The following RELN variants were observed in gnomAD, a reference collection of about 807,000 sequenced individuals.
RELN encodes reelin.
A neutral mutation model predicts 427.6 loss-of-function variants in RELN; 108 were observed. The observed-to-expected ratio is 0.25, with a 90% CI of 0.22 to 0.30. RELN has a LOEUF of 0.30. Among genes scored for constraint, RELN ranks in the 10% least tolerant of loss-of-function variants. RELN has a pLI of 1.00. For missense variants in RELN, 3,715 were observed against 4,302.8 expected (o/e 0.86, Z 3.82); for synonymous variants, 1,524 against 1,513.4 (o/e 1.01, Z -0.16).
At chr7:103,622,538 A>G (rs1832244125) in intron 20 of RELN, among the ~76,000 whole-genome samples, 1 of 152,218 alleles carries the variant, frequency 6.6e-6, no homozygotes, top group Non-Finnish European at 1.5e-5. Context: ...CTGTAACACT[A>G]GAGTAAAATC....
intron 1 of RELN, among the ~76,000 whole-genome samples, chr7:103,952,635 T>C (rs1455242151): frequency 6.6e-6 from 1 of 152,070 alleles, no homozygotes; most frequent in Non-Finnish European, 1.5e-5. Context: ...CTGCAAATGA[T>C]CTTAAATGTA....
chr7:103,776,773 T>C, intron 3 of RELN, 146 bp from the exon 4 acceptor site: 1 of 847,644 alleles, frequency 1.2e-6, no homozygotes, highest in Non-Finnish European at 1.9e-6. Context: ...GTGATATAAA[T>C]AACATGGAAT....
intron 20 of RELN, among the ~76,000 whole-genome samples, chr7:103,619,195 T>A (rs939655668): frequency 6.6e-6 from 1 of 152,178 alleles, no homozygotes; most frequent in African/African-American, 2.4e-5. Context: ...TGGCAGTTTA[T>A]TCTCAAGGGT....
At position 103,557,102 on chromosome 7, in the gene RELN, G is replaced by C. The variant is rs750831468; in HGVS notation, c.5672C>G (p.Thr1891Ser). Residue 1891 changes from threonine (T) to serine (S), a missense_variant, in exon 38 of 65, where the codon ACT (threonine) becomes AGT (serine). Physicochemically the swap from Thr to Ser is moderately conservative, Grantham distance 58. Around this residue, in one of 4 missense-constraint regions of RELN, gnomAD observed 2,208 missense variants for 2,361.7 expected, o/e 0.93. Coordinates refer to ENST00000428762, the MANE Select transcript of RELN (RefSeq NM_005045.4). ...GTAAAATTCATCCATCAGGTGCCAAGTGATTCCTCCACTGATGGAGAATTG... is the reference window on the plus strand; with the variant it reads ...GTAAAATTCATCCATCAGGTGCCAACTGATTCCTCCACTGATGGAGAATTG... The part of the protein sequence containing the change: ...LLQFSISGGI[T>S]WHLMDEFYFP... 3 of 1,613,672 alleles carry C rather than the reference G, an allele frequency of 1.9e-6. No individual in the cohort carries two copies. The Admixed American group carries it at 5.0e-5, about 27-fold the overall frequency.
At chr7:103,912,522 T>A (rs1426936681) in intron 2 of RELN, among the ~76,000 whole-genome samples, 5 of 152,192 alleles carry the variant, frequency 3.3e-5, no homozygotes, top group Non-Finnish European at 2.9e-5. Flanking sequence ...GTATTTAGAA[T>A]TCCTAATTAT....
chr7:103,558,076 C>T (rs1272775292), intron 36 of RELN, 27 bp from the exon 37 acceptor site: 2 of 1,206,624 alleles, frequency 1.7e-6, no homozygotes, highest in Non-Finnish European at 2.5e-6. Context: ...ATACGTTAAG[C>T]AACTTTTTTT....
chr7:103,661,234 AGGCTTCT>A, intron 12 of RELN, 135 bp downstream of exon 12: 1 of 908,190 alleles, frequency 1.1e-6, no homozygotes, highest in South Asian at 1.4e-5. Flanking sequence ...GGAGTACCAC[AGGCTTCT>A]GCTCTGTCTG....
intron 2 of RELN, among the ~76,000 whole-genome samples, chr7:103,899,338 T>C (rs1795030937): frequency 6.6e-6 from 1 of 151,926 alleles, no homozygotes; most frequent in African/African-American, 2.4e-5. Context: ...ACCAGAGAGA[T>C]TCACAGCCAA....
At chr7:103,900,715 G>A (rs902257237) in intron 2 of RELN, among the ~76,000 whole-genome samples, 6 of 151,930 alleles carry the variant, frequency 3.9e-5, no homozygotes, top group Non-Finnish European at 7.4e-5. Flanking sequence ...GATCTTTGAC[G>A]AACCTGACAC....
chr7:103,963,169 C>A (rs1271510663), intron 1 of RELN, among the ~76,000 whole-genome samples: 2 of 139,142 alleles, frequency 1.4e-5, no homozygotes, highest in African/African-American at 5.6e-5. Flanking sequence ...CTACTCATTT[C>A]TCTTCCTCCT....
At chr7:103,737,848 T>C (rs368748382) in intron 6 of RELN, among the ~76,000 whole-genome samples, 7 of 152,158 alleles carry the variant, frequency 4.6e-5, no homozygotes, top group African/African-American at 1.7e-4. Context: ...ATGCCAATCA[T>C]GGCTTTAGCT....
chr7:103,624,771 C>T (rs1465023789), intron 20 of RELN, among the ~76,000 whole-genome samples: 1 of 151,896 alleles, frequency 6.6e-6, no homozygotes, highest in East Asian at 1.9e-4. Flanking sequence ...TTTCATGTTG[C>T]TCTTTTACTT....
chr7:103,624,472 G>C (rs2117320808), intron 20 of RELN, among the ~76,000 whole-genome samples: 2 of 152,196 alleles, frequency 1.3e-5, no homozygotes, highest in East Asian at 3.9e-4. Flanking sequence ...TGTTGCCCAG[G>C]CTGGAGTGCG....
chr7:103,634,912 A>T (rs1832544396), intron 19 of RELN, among the ~76,000 whole-genome samples: 1 of 151,902 alleles, frequency 6.6e-6, no homozygotes, highest in Admixed American at 6.6e-5. Context: ...AGGTTGGAGT[A>T]CAATGGTGCA....
Position 103,948,427 on chromosome 7 carries a change from C to T in RELN, c.227-31242G>A, listed in dbSNP as rs557128451. On this transcript the variant is annotated intron_variant, in intron 1 of 64. Coordinates refer to ENST00000428762, the MANE Select transcript of RELN (RefSeq NM_005045.4). ...GTGACTCACGCCTGTAATCTCAGCA[C>T]TTTGGGAGGCCAAGGCAGGTGGATC... Among the ~76,000 whole-genome samples the T allele has an allele frequency of 3.3e-5, 5 of 152,262 alleles. No individual in the cohort carries two copies. In the East Asian group the frequency reaches 7.7e-4, roughly 24 times the overall value.
intron 1 of RELN, among the ~76,000 whole-genome samples, chr7:103,934,797 A>G (rs551901222): frequency 1.3e-5 from 2 of 152,330 alleles, no homozygotes; most frequent in East Asian, 3.9e-4. Context: ...CCATTAATCT[A>G]GAGGCAAAAA....
At chr7:103,797,989 T>C (rs1792351117) in intron 3 of RELN, among the ~76,000 whole-genome samples, 2 of 152,208 alleles carry the variant, frequency 1.3e-5, no homozygotes, top group Admixed American at 6.5e-5. Context: ...AAAATATTTT[T>C]GTGTGGATTC....
intron 10 of RELN, among the ~76,000 whole-genome samples, chr7:103,695,342 T>A (rs1833955367): frequency 6.6e-6 from 1 of 152,060 alleles, no homozygotes; most frequent in Non-Finnish European, 1.5e-5. Context: ...AGAGAAAAAT[T>A]TCTACTTAAC....
intron 12 of RELN, among the ~76,000 whole-genome samples, chr7:103,659,697 T>C (rs887426727): frequency 7.2e-5 from 11 of 152,166 alleles, no homozygotes; most frequent in Non-Finnish European, 1.0e-4. Context: ...TTCTACCTTA[T>C]AGTCAGATGG....
Sources: gnomAD v4.1 joint callset for allele counts (sites outside exome capture counted in the v4.1 genomes callset) on GRCh38, gnomAD v4.1.1 for gene constraint, gnomAD v4.1.1 regional missense constraint, MANE v1.5 for transcripts, NCBI Gene and HGNC (gene_info 2026-07-23, HGNC 2026-07-21) for gene names.